The following KCNIP1 variants were observed in gnomAD, a reference collection of about 807,000 sequenced individuals.
The protein encoded by KCNIP1 is potassium voltage-gated channel interacting protein 1.
Under a neutral mutation model 33.0 loss-of-function variants are expected in KCNIP1, and 18 were observed. That is an observed-to-expected ratio of 0.55 (90% CI 0.38 to 0.81). The LOEUF (loss-of-function observed/expected upper bound fraction) is 0.81, where lower values mean the gene tolerates loss of function less well. Among genes scored for constraint, KCNIP1 ranks in the 30% least tolerant of loss-of-function variants. The pLI, the probability that KCNIP1 is intolerant of heterozygous loss-of-function variation, is 0.00. For synonymous variants in KCNIP1, 93 were observed against 98.3 expected, an observed-to-expected ratio of 0.95 and a Z score of 0.32; for missense variants, 238 against 271.6, an observed-to-expected ratio of 0.88 and a Z score of 0.87.
At chr5:170,721,980 G>A in intron 4 of KCNIP1, 77 bp downstream of exon 4, 3 of 1,528,196 alleles carry the variant, frequency 2.0e-6, no homozygotes, top group African/African-American at 2.7e-5. Context: ...AGGCATTGGG[G>A]GAAGGTCTGG....
chr5:170,367,136 C>T (rs562522732), intron 1 of KCNIP1, among the ~76,000 whole-genome samples: 2 of 151,664 alleles, frequency 1.3e-5, no homozygotes, highest in Non-Finnish European at 2.9e-5. Flanking sequence ...CTGACCACAG[C>T]GAAACCCTGT....
chr5:170,678,746 T>A (rs1762230306), intron 1 of KCNIP1, among the ~76,000 whole-genome samples: 1 of 152,160 alleles, frequency 6.6e-6, no homozygotes. Flanking sequence ...GGAGAGCTTA[T>A]GCCTAGCTTA....
chr5:170,614,260 A>T (rs1759285663), intron 1 of KCNIP1, among the ~76,000 whole-genome samples: 1 of 152,204 alleles, frequency 6.6e-6, no homozygotes, highest in African/African-American at 2.4e-5. Flanking sequence ...GGAGAAAAGG[A>T]ATGCTGTAAA....
chr5:170,549,297 A>C (rs559900407), intron 1 of KCNIP1, among the ~76,000 whole-genome samples: 1 of 152,312 alleles, frequency 6.6e-6, no homozygotes, highest in Non-Finnish European at 1.5e-5. Flanking sequence ...CTTGGCTGAG[A>C]AAACCTCCTT....
At chr5:170,382,060 A>G (rs940878306) in intron 1 of KCNIP1, among the ~76,000 whole-genome samples, 1 of 152,030 alleles carries the variant, frequency 6.6e-6, no homozygotes, top group African/African-American at 2.4e-5. Context: ...CCGTCCCATC[A>G]GCCATCAAGT....
chr5:170,719,389 T>A (rs745438418), intron 2 of KCNIP1, among the ~76,000 whole-genome samples: 25 of 152,196 alleles, frequency 1.6e-4, no homozygotes, highest in Non-Finnish European at 3.1e-4. Flanking sequence ...CAATCAAAAG[T>A]GGAGTCAGAG....
In KCNIP1 at chr5:170,721,871, G is replaced by A. The variant is rs141801007; in HGVS notation, c.295G>A (p.Asp99Asn). The A allele has an allele frequency of 2.0e-5, 32 of 1,614,022 alleles. No individual in the cohort carries two copies. The highest frequency in any genetic ancestry group is 6.7e-5 in the East Asian group (3 of 44,880). ...TYAHYLFNAF[D>N]TTQTGSVKFE... Reference sequence around the variant, plus strand: ...TGCCCATTACCTCTTCAATGCCTTCGACACCACTCAGACAGGCTCCGTGAA... The same window carrying A: ...TGCCCATTACCTCTTCAATGCCTTCAACACCACTCAGACAGGCTCCGTGAA... Residue 99 changes from aspartate (D) to asparagine (N), a missense_variant, in exon 4 of 8, where the codon GAC becomes AAC. By Grantham distance (23) the Asp-to-Asn change is conservative. Transcript: ENST00000328939.
chr5:170,483,672 T>C (rs1757024350), intron 1 of KCNIP1: 1 of 152,228 alleles, frequency 6.6e-6, no homozygotes, highest in African/African-American at 2.4e-5. Flanking sequence ...GTCTCTGAAC[T>C]TCACCTTCCT....
At chr5:170,587,962 A>G (rs1032497400) in intron 1 of KCNIP1, among the ~76,000 whole-genome samples, 6 of 152,098 alleles carry the variant, frequency 3.9e-5, no homozygotes, top group African/African-American at 1.5e-4. Context: ...ATGGATATTC[A>G]TTCAGAGAGA....
At chr5:170,459,020 T>C (rs954789870) in intron 1 of KCNIP1, among the ~76,000 whole-genome samples, 3 of 151,914 alleles carry the variant, frequency 2.0e-5, no homozygotes, top group Admixed American at 2.0e-4. Flanking sequence ...GGAAAAGACA[T>C]TCTATGCAAA....
At chr5:170,530,181 A>G (rs1187336869) in intron 1 of KCNIP1, among the ~76,000 whole-genome samples, 3 of 151,656 alleles carry the variant, frequency 2.0e-5, no homozygotes, top group Admixed American at 2.0e-4. Context: ...ATGGCTCATA[A>G]CATGTTTATT....
chr5:170,639,807 T>A (rs942552629), intron 1 of KCNIP1, among the ~76,000 whole-genome samples: 3 of 152,170 alleles, frequency 2.0e-5, no homozygotes, highest in African/African-American at 7.2e-5. Flanking sequence ...AGTGACTCAG[T>A]TGGATGCGGT....
At chr5:170,364,160 C>A (rs763533300) in intron 1 of KCNIP1, among the ~76,000 whole-genome samples, 94 of 152,126 alleles carry the variant, frequency 6.2e-4, no homozygotes, top group Admixed American at 5.2e-4. Flanking sequence ...GCCACCACCA[C>A]ACCCAACTAA....
exon 1 of KCNIP1, chr5:170,353,773 C>A: frequency 2.0e-6 from 2 of 1,007,996 alleles, no homozygotes; most frequent in Non-Finnish European, 3.0e-6. Context: ...GCATCCGTCA[C>A]TCAGGGTTCA....
intron 1 of KCNIP1, among the ~76,000 whole-genome samples, chr5:170,403,710 C>G (rs1441266038): frequency 1.7e-4 from 26 of 152,202 alleles, no homozygotes. Context: ...AGCTCAGGCC[C>G]TAATGCATAG....
At chr5:170,606,043 G>A (rs1256645406) in intron 1 of KCNIP1, among the ~76,000 whole-genome samples, 1 of 152,148 alleles carries the variant, frequency 6.6e-6, no homozygotes, top group African/African-American at 2.4e-5. Context: ...TCAAAGTGGT[G>A]GGATTACAGG....
Position 170,631,117 on chromosome 5 carries a change from A to G in KCNIP1, c.62-87641A>G, listed in dbSNP as rs142332909. Among the ~76,000 whole-genome samples, 155 of 152,250 alleles carry G rather than the reference A, an allele frequency of 1.0e-3. 2 individuals are homozygous for G. The East Asian group carries it at 0.026, about 25-fold the overall frequency. On this transcript the variant is annotated intron_variant, in intron 1 of 7. Transcript: ENST00000328939. Reference sequence around the variant, plus strand: ...TCTGTTCCCTCCTCTATGAATGGGGACAATCACTCAGCTTCACAAAACAAT... The same window carrying G: ...TCTGTTCCCTCCTCTATGAATGGGGGCAATCACTCAGCTTCACAAAACAAT...
chr5:170,413,605 C>T (rs188403829), intron 1 of KCNIP1, among the ~76,000 whole-genome samples: 25 of 152,260 alleles, frequency 1.6e-4, no homozygotes, highest in African/African-American at 6.0e-4. Context: ...GAATTAAGCA[C>T]GGCGAGAGAT....
intron 1 of KCNIP1, among the ~76,000 whole-genome samples, chr5:170,670,397 T>C (rs1276823281): frequency 6.6e-6 from 1 of 152,172 alleles, no homozygotes; most frequent in Non-Finnish European, 1.5e-5. Context: ...TCCAAGGACT[T>C]AGAAGTCAGG....
Sources: gnomAD v4.1 joint callset for allele counts (sites outside exome capture counted in the v4.1 genomes callset) on GRCh38, gnomAD v4.1.1 for gene constraint, MANE v1.5 for transcripts, NCBI Gene and HGNC (gene_info 2026-07-23, HGNC 2026-07-21) for gene names.